Variants in MICU3 observed in about 807,000 individuals in gnomAD.
MICU3 encodes mitochondrial calcium uptake 3.
Under a neutral mutation model 66.5 loss-of-function variants are expected in MICU3, and 62 were observed. The observed-to-expected ratio is 0.93, with a 90% CI of 0.76 to 1.15. The LOEUF (loss-of-function observed/expected upper bound fraction) is 1.15, where lower values mean the gene tolerates loss of function less well. MICU3 is among the 50% of genes most tolerant of loss of function. The pLI is 0.00. For synonymous variants in MICU3, 308 were observed against 240.7 expected, an observed-to-expected ratio of 1.28 and a Z score of -2.59; for missense variants, 779 against 664.4, an observed-to-expected ratio of 1.17 and a Z score of -1.90.
chr8:17,116,795 A>C (rs1802727105), intron 13 of MICU3, among the ~76,000 whole-genome samples, 195 bp downstream of exon 13: 1 of 152,196 alleles, frequency 6.6e-6, no homozygotes. Flanking sequence ...TTTTTAAAAA[A>C]TGTGAAATCA....
intron 1 of MICU3, among the ~76,000 whole-genome samples, chr8:17,056,261 T>C (rs183123860): frequency 1.6e-4 from 25 of 152,296 alleles, no homozygotes; most frequent in African/African-American, 5.8e-4. Context: ...ATAGTGGGCT[T>C]CAGTCAATTT....
chr8:17,086,044 A>G (rs1799433019), intron 6 of MICU3, among the ~76,000 whole-genome samples: 1 of 152,040 alleles, frequency 6.6e-6, no homozygotes, highest in South Asian at 2.1e-4. Context: ...TTTAGCATAT[A>G]TATTACACTC....
At chr8:17,066,898 C>G (rs1258609954) in intron 2 of MICU3, among the ~76,000 whole-genome samples, 1 of 151,892 alleles carries the variant, frequency 6.6e-6, no homozygotes, top group East Asian at 1.9e-4. Flanking sequence ...GAATTTTTTT[C>G]TTCAGAATAC....
At chr8:17,113,422 A>C (rs771662451) in intron 11 of MICU3, among the ~76,000 whole-genome samples, 6 of 152,248 alleles carry the variant, frequency 3.9e-5, no homozygotes, top group Non-Finnish European at 8.8e-5. Flanking sequence ...AGCAGTGGCA[A>C]TAATTGCAGT....
rs778110266 is a variant in MICU3 at position 17,098,513 on chromosome 8, G to A, written c.944G>A (p.Arg315Lys). 2 of 1,611,660 alleles carry A rather than the reference G, an allele frequency of 1.2e-6. No individual in the cohort carries two copies. Among genetic ancestry groups the A allele is most frequent in the Non-Finnish European group, 1.7e-6 (2 of 1,178,372 alleles). Residue 315 changes from arginine (R) to lysine (K), a missense_variant, in exon 9 of 15, where the codon AGA becomes AAA. Arg to Lys is a conservative substitution (Grantham distance 26, BLOSUM62 2). Transcript: ENST00000318063. ...TCCAGAAGCTATTGGGATACACTGA[G>A]ACGTAACACAAGCCAAGCACTGTTT... ...LVSRSYWDTL[R>K]RNTSQALFSD...
intron 8 of MICU3, chr8:17,090,815 G>A (rs1585440856): frequency 2.9e-6 from 1 of 343,776 alleles, no homozygotes; most frequent in Non-Finnish European, 5.2e-6. Context: ...TTAAAATAAG[G>A]AAAAGGTAAG....
the MICU3 span, among the ~76,000 whole-genome samples, chr8:17,135,468 G>T: frequency 6.6e-6 from 1 of 151,876 alleles, no homozygotes; most frequent in Non-Finnish European, 1.5e-5. Flanking sequence ...AGAAGCAACT[G>T]ATTTTATTTG....
chr8:17,111,068 A>T (rs977969022), intron 11 of MICU3, among the ~76,000 whole-genome samples: 4 of 152,032 alleles, frequency 2.6e-5, no homozygotes, highest in African/African-American at 9.7e-5. Flanking sequence ...ATATGTGTAC[A>T]TGTAGTTTTG....
chr8:17,086,872 CTTTGTTTTT>C, intron 6 of MICU3, 83 bp from the exon 7 acceptor site: 1 of 769,900 alleles, frequency 1.3e-6, no homozygotes, highest in South Asian at 1.6e-5. Flanking sequence ...AAGCTGTTTT[CTTTGTTTTT>C]GGAATATACC....
chr8:17,054,374 CTT>C (rs977565701), intron 1 of MICU3, among the ~76,000 whole-genome samples: 84 of 152,144 alleles, frequency 5.5e-4, no homozygotes, highest in African/African-American at 2.0e-3. Flanking sequence ...GGATTTAAAA[CTT>C]AAGTTTATAT....
intron 4 of MICU3, among the ~76,000 whole-genome samples, chr8:17,081,271 G>A (rs2150722289): frequency 6.6e-6 from 1 of 152,158 alleles, no homozygotes; most frequent in African/African-American, 2.4e-5. Context: ...TTTTATCCAA[G>A]TGTTACTAAA....
rs371257325 is a variant in MICU3 at position 17,105,475 on chromosome 8, T to A, written c.1148T>A (p.Met383Lys). 2.5e-6 allele frequency: 4 copies of A among 1,577,084 alleles called. No homozygotes were observed. Among genetic ancestry groups the A allele is most frequent in the Non-Finnish European group, 3.5e-6 (4 of 1,156,942 alleles). ...GAATTCCTTTCCTACTCAAATGGAATGAATACCATCAGTGAAGAAGATTTT... is the reference window on the plus strand; with the variant it reads ...GAATTCCTTTCCTACTCAAATGGAAAGAATACCATCAGTGAAGAAGATTTT... Reference protein sequence around the residue: ...EIEFLSYSNGMNTISEEDFAH... With the variant: ...EIEFLSYSNGKNTISEEDFAH... Residue 383 changes from methionine to lysine, a missense_variant, in exon 11 of 15, where the codon ATG becomes AAG. By Grantham distance (95) the Met-to-Lys change is moderately conservative (BLOSUM62 -1). Transcript: ENST00000318063.
chr8:17,132,184 A>G, the MICU3 span: 1 of 152,218 alleles, frequency 6.6e-6, no homozygotes, highest in Non-Finnish European at 1.5e-5. Context: ...TTGTTAATAG[A>G]AGGGAGCAAG....
At chr8:17,123,748 A>G (rs1411313789), downstream of MICU3, among the ~76,000 whole-genome samples, 1 of 152,056 alleles carries the variant, frequency 6.6e-6, no homozygotes, top group Non-Finnish European at 1.5e-5. Context: ...AACTATTAAA[A>G]TAATAACTGA....
chr8:17,099,694 T>C (rs1331785471), intron 9 of MICU3, among the ~76,000 whole-genome samples: 1 of 151,838 alleles, frequency 6.6e-6, no homozygotes, highest in Non-Finnish European at 1.5e-5. Flanking sequence ...TTAGAAGCAC[T>C]TTATTTTGTA....
At chr8:17,105,955 G>A (rs540977428) in intron 11 of MICU3, among the ~76,000 whole-genome samples, 4 of 151,900 alleles carry the variant, frequency 2.6e-5, no homozygotes, top group Non-Finnish European at 2.9e-5. Context: ...ATTCCTTTCC[G>A]TAACACCCTT....
the MICU3 span, among the ~76,000 whole-genome samples, chr8:17,134,930 A>G: frequency 3.3e-5 from 5 of 152,354 alleles, no homozygotes; most frequent in African/African-American, 1.2e-4. Flanking sequence ...AGGTTGACAC[A>G]TGACGTTAAC....
intron 8 of MICU3, among the ~76,000 whole-genome samples, chr8:17,091,133 T>C (rs1243088606): frequency 6.6e-6 from 1 of 152,140 alleles, no homozygotes; most frequent in African/African-American, 2.4e-5. Flanking sequence ...TATCATATTA[T>C]TTCTAAAGAG....
chr8:17,130,013 A>G, the MICU3 span, among the ~76,000 whole-genome samples: 1 of 152,212 alleles, frequency 6.6e-6, no homozygotes, highest in Non-Finnish European at 1.5e-5. Flanking sequence ...ATTCAGTAAA[A>G]TAGTCTTTTA....
Sources: gnomAD v4.1 joint callset for allele counts (sites outside exome capture counted in the v4.1 genomes callset) on GRCh38, gnomAD v4.1.1 for gene constraint, MANE v1.5 for transcripts, NCBI Gene and HGNC (gene_info 2026-07-23, HGNC 2026-07-21) for gene names.